Variants in SRGAP3 observed in about 807,000 individuals in gnomAD.
The protein encoded by SRGAP3 is SLIT-ROBO Rho GTPase-activating protein 3.
SRGAP3 carries 39 observed loss-of-function variants against 121.1 expected under a neutral mutation model. The ratio of observed to expected loss-of-function variants is 0.32; its 90% CI spans 0.25 to 0.42. The LOEUF is 0.42. Among genes scored for constraint, SRGAP3 ranks in the 10% least tolerant of loss-of-function variants. The pLI is 1.00. For missense variants in SRGAP3, 1,213 were observed against 1,470.6 expected (o/e 0.82, Z 2.86); for synonymous variants, 601 against 570.0 (o/e 1.05, Z -0.77).
chr3:9,010,191 T>G (rs1221642034), intron 18 of SRGAP3, 117 bp downstream of exon 18: 2 of 1,214,980 alleles, frequency 1.6e-6, no homozygotes, highest in Middle Eastern at 1.9e-4. Context: ...GAAGGACAGA[T>G]GGCTGACTTG....
chr3:9,188,226 T>C (rs146633409), intron 1 of SRGAP3, among the ~76,000 whole-genome samples: 222 of 152,304 alleles, frequency 1.5e-3, no homozygotes, highest in African/African-American at 5.1e-3. Context: ...GCACGGATAA[T>C]TGAAGCAGGA....
intron 1 of SRGAP3, among the ~76,000 whole-genome samples, chr3:9,198,712 T>A (rs1188719032): frequency 1.3e-5 from 2 of 152,160 alleles, no homozygotes; most frequent in Non-Finnish European, 2.9e-5. Context: ...AATACGTCAA[T>A]AGGTGCAAGG....
intron 1 of SRGAP3, among the ~76,000 whole-genome samples, chr3:9,247,019 G>C (rs933028249): frequency 2.0e-5 from 3 of 152,134 alleles, no homozygotes; most frequent in Non-Finnish European, 4.4e-5. Context: ...AAGTTCACTG[G>C]CCCAGTAGTA....
At chr3:9,019,987 C>A (rs1943834153) in intron 14 of SRGAP3, among the ~76,000 whole-genome samples, 1 of 152,244 alleles carries the variant, frequency 6.6e-6, no homozygotes, top group East Asian at 1.9e-4. Context: ...CACAGCACTT[C>A]TCAAGTGAGA....
At position 9,355,286 on chromosome 3, in the gene SRGAP3, T is replaced by C. The variant is rs530592072; in HGVS notation, n.214+7554A>G. Reference sequence around the variant, plus strand: ...GTTTGAGATATCATCATCTCTCACTTGGACCAATGAAATCACCTAGTAACT... The same window carrying C: ...GTTTGAGATATCATCATCTCTCACTCGGACCAATGAAATCACCTAGTAACT... On this transcript the variant is annotated intron_variant and non_coding_transcript_variant, in intron 1 of 3. Transcript: ENST00000490889. Among the ~76,000 whole-genome samples, 125 of 152,372 alleles carry C rather than the reference T, an allele frequency of 8.2e-4. 1 individual carries two copies. In the South Asian group the frequency reaches 8.3e-3, roughly 10 times the overall value.
At chr3:9,193,431 T>C (rs1252024921) in intron 1 of SRGAP3, 1 of 152,252 alleles carries the variant, frequency 6.6e-6, no homozygotes, top group Non-Finnish European at 1.5e-5. Flanking sequence ...GCTGGCAGAA[T>C]CACAAGAAAG....
intron 1 of SRGAP3, among the ~76,000 whole-genome samples, chr3:9,360,583 G>A (rs2030744858): frequency 6.6e-6 from 1 of 152,200 alleles, no homozygotes; most frequent in Non-Finnish European, 1.5e-5. Context: ...GAGGTTTAAT[G>A]GATTTACAGT....
chr3:9,053,227 G>A lies in SRGAP3; in HGVS notation c.1126-3C>T, dbSNP rs765538367. 2.5e-6 allele frequency: 4 copies of A among 1,613,354 alleles called. No homozygotes were observed. Among genetic ancestry groups the A allele is most frequent in the Non-Finnish European group, 3.4e-6 (4 of 1,179,636 alleles). Reference sequence around the variant, plus strand: ...GTGGCATCCAGGGTTTTCCTAACCTGGGGAAACACAGCAGATTGACAAAAA... The same window carrying A: ...GTGGCATCCAGGGTTTTCCTAACCTAGGGAAACACAGCAGATTGACAAAAA... On this transcript the variant is annotated splice_polypyrimidine_tract_variant and splice_region_variant and intron_variant, in intron 8 of 21. Transcript: ENST00000383836.
chr3:9,136,313 G>A (rs975287996), intron 1 of SRGAP3, among the ~76,000 whole-genome samples: 16 of 151,752 alleles, frequency 1.1e-4, no homozygotes, highest in African/African-American at 3.9e-4. Flanking sequence ...GGATCCGTGC[G>A]CCCAGCGCCG....
chr3:9,318,230 C>T (rs969562509), intron 3 of SRGAP3, among the ~76,000 whole-genome samples: 3 of 149,394 alleles, frequency 2.0e-5, no homozygotes, highest in Non-Finnish European at 4.5e-5. Flanking sequence ...CCATAGGCAC[C>T]AGTCCTCACT....
intron 3 of SRGAP3, among the ~76,000 whole-genome samples, chr3:9,280,038 C>G (rs1210799702): frequency 6.6e-6 from 1 of 152,182 alleles, no homozygotes; most frequent in African/African-American, 2.4e-5. Flanking sequence ...CAGCTTGTCC[C>G]CCTTAAAGGG....
intron 1 of SRGAP3, chr3:9,194,246 A>T (rs1225084622): frequency 6.6e-6 from 1 of 152,218 alleles, no homozygotes; most frequent in Non-Finnish European, 1.5e-5. Flanking sequence ...AGTTGAAAGC[A>T]CAAGCCAAGT....
At chr3:9,349,976 T>C (rs2030015504) in intron 1 of SRGAP3, 1 of 152,210 alleles carries the variant, frequency 6.6e-6, no homozygotes, top group Non-Finnish European at 1.5e-5. Flanking sequence ...AATCATGTTC[T>C]AGTTGCTTGG....
chr3:9,126,641 CTAACTAAA>C (rs201981096), intron 1 of SRGAP3, among the ~76,000 whole-genome samples: 12,110 of 101,110 alleles, frequency 0.12, 1,188 homozygotes, highest in African/African-American at 0.3. Flanking sequence ...AACTAACTAA[CTAACTAAA>C]TAAATAAATA....
chr3:9,333,370 C>T (rs1955640981), intron 1 of SRGAP3, among the ~76,000 whole-genome samples: 1 of 152,164 alleles, frequency 6.6e-6, no homozygotes, highest in Admixed American at 6.6e-5. Context: ...ATTCCCTACT[C>T]CCTTTTAAAT....
intron 2 of SRGAP3, among the ~76,000 whole-genome samples, chr3:9,118,388 C>T (rs538846333): frequency 6.6e-6 from 1 of 152,310 alleles, no homozygotes; most frequent in Admixed American, 6.5e-5. Flanking sequence ...TTCATTTGGA[C>T]AAGACCATCC....
intron 3 of SRGAP3, among the ~76,000 whole-genome samples, chr3:9,299,257 A>C (rs907525444): frequency 1.1e-4 from 16 of 148,502 alleles, no homozygotes; most frequent in Non-Finnish European, 1.6e-4. Context: ...GCTACACGGG[A>C]GTCTGAGGCA....
chr3:8,984,849 G>T lies in SRGAP3; in HGVS notation c.*670C>A, dbSNP rs1313322195. 3.0e-5 allele frequency: 7 copies of T among 229,930 alleles called. No individual in the cohort carries two copies. The highest frequency in any genetic ancestry group is 1.1e-4 in the African/African-American group (5 of 45,098). 14.2% of individuals were successfully genotyped at this position (229,930 alleles called of 1,614,324 possible). A position where few individuals can be genotyped will look rare whatever the true frequency, so the allele number is the denominator to read the frequency against. ...GTTCTGGAAGGCCACGACTTCTGGA[G>T]ACAGTGGGAGTCTGTTTTTGTTTGT... On this transcript the variant is annotated 3_prime_UTR_variant, in exon 22 of 22. Transcript: ENST00000383836.
At chr3:9,012,468 G>A (rs1430763683) in intron 17 of SRGAP3, among the ~76,000 whole-genome samples, 1 of 152,146 alleles carries the variant, frequency 6.6e-6, no homozygotes, top group African/African-American at 2.4e-5. Flanking sequence ...CTTAGCCTGG[G>A]GAAGCTTTTA....
Sources: gnomAD v4.1 joint callset for allele counts (sites outside exome capture counted in the v4.1 genomes callset) on GRCh38, gnomAD v4.1.1 for gene constraint, MANE v1.5 for transcripts, NCBI Gene and HGNC (gene_info 2026-07-23, HGNC 2026-07-21) for gene names.